ARL17B: variants seen among roughly 807,000 people sequenced by gnomAD.
ARL17B encodes ADP-ribosylation factor-like protein 17.
chr17:46,339,265 T>C lies in ARL17B; in HGVS notation c.*235A>G, dbSNP rs1289585467. On this transcript the variant is annotated 3_prime_UTR_variant, in exon 4 of 4. Coordinates refer to ENST00000450673, the MANE Select transcript of ARL17B (RefSeq NM_001039083.5). ...ATAAATTAACAAAGGACAATGCTCT[T>C]AGCACCGCCATCATTCAGGAATTTC... 2 of 300,508 alleles carry C rather than the reference T, an allele frequency of 6.7e-6. No homozygotes were observed. The highest frequency in any genetic ancestry group is 1.4e-5 in the Non-Finnish European group (2 of 142,862). The allele number at this position is 300,508 out of a possible 1,614,324, so 18.6% of individuals were successfully genotyped here. A position where few individuals can be genotyped will look rare whatever the true frequency, so the allele number is the denominator to read the frequency against.
chr17:46,288,706 C>CTTTTTTTTTT (rs199591277), intron 4 of ARL17B, among the ~76,000 whole-genome samples: 2,185 of 129,844 alleles, frequency 0.017, no homozygotes, highest in Non-Finnish European at 0.027. Flanking sequence ...CTTGTTTTTT[C>CTTTTTTTTTT]TTTTTTTTTT....
rs534381037 is a variant in ARL17B, at chr17:46,278,548, C to T, written c.*22-3130G>A. ...CCTCCTGAGTAGCTGGGATTACAGG[C>T]GCTCACCACTGCGACCGGCTAATTT... On this transcript the variant is annotated intron_variant, in intron 4 of 4. Coordinates refer to the ARL17B transcript ENST00000570618. Among the ~76,000 whole-genome samples, 86 of 150,724 alleles carry T rather than the reference C, an allele frequency of 5.7e-4. 1 individual carries two copies. The South Asian group carries it at 0.015, about 26-fold the overall frequency.
intron 3 of ARL17B, among the ~76,000 whole-genome samples, chr17:46,317,166 C>G (rs1427151329): frequency 1.1e-5 from 1 of 89,694 alleles, no homozygotes; most frequent in Non-Finnish European, 3.2e-5. Context: ...CAGAGGCGCT[C>G]CTCACATCCC....
chr17:46,291,193 A>G (rs537097116), intron 4 of ARL17B, among the ~76,000 whole-genome samples: 26 of 152,378 alleles, frequency 1.7e-4, no homozygotes, highest in African/African-American at 5.8e-4. Context: ...ATATATTTTT[A>G]TAACATCGTG....
intron 4 of ARL17B, among the ~76,000 whole-genome samples, chr17:46,280,895 A>C (rs574153219): frequency 6.6e-6 from 1 of 152,338 alleles, no homozygotes; most frequent in South Asian, 2.1e-4. Flanking sequence ...CGCTTTTAAA[A>C]AATACCTGCC....
intron 4 of ARL17B, among the ~76,000 whole-genome samples, chr17:46,279,500 C>CTTTCT (rs1555611317): frequency 8.2e-5 from 10 of 122,464 alleles, no homozygotes; most frequent in Admixed American, 1.7e-4. Context: ...TTCTTTCTTT[C>CTTTCT]TTTTTTTTTT....
At chr17:46,291,533 A>C (rs1389633062) in intron 4 of ARL17B, among the ~76,000 whole-genome samples, 2 of 151,862 alleles carry the variant, frequency 1.3e-5, no homozygotes, top group African/African-American at 4.9e-5. Flanking sequence ...ACTGGGCTAC[A>C]CTGGGCTTCA....
downstream of ARL17B, among the ~76,000 whole-genome samples, chr17:46,274,195 G>A (rs1216277174): frequency 2.0e-5 from 3 of 152,228 alleles, no homozygotes; most frequent in Non-Finnish European, 4.4e-5. Context: ...CTGTCTGTGG[G>A]AGAAAAACTA....
intron 4 of ARL17B, among the ~76,000 whole-genome samples, chr17:46,281,174 CT>C (rs1386007422): frequency 6.6e-6 from 1 of 152,094 alleles, no homozygotes; most frequent in East Asian, 1.9e-4. Context: ...AGGAGTGAGT[CT>C]TTTTCCATTT....
chr17:46,291,306 A>G (rs2050060086), intron 4 of ARL17B, among the ~76,000 whole-genome samples: 1 of 152,264 alleles, frequency 6.6e-6, no homozygotes, highest in Admixed American at 6.5e-5. Flanking sequence ...AAAAAGAGAA[A>G]TTGAAAAGAC....
At chr17:46,277,653 C>CTTTCTTTCTTTCTTT (rs143961379) in intron 4 of ARL17B, among the ~76,000 whole-genome samples, 2 of 137,858 alleles carry the variant, frequency 1.5e-5, no homozygotes, top group Admixed American at 7.3e-5. Context: ...TTCTTTCTTT[C>CTTTCTTTCTTTCTTT]TTTTTTTTTT....
At chr17:46,274,515 T>G (rs540014961), downstream of ARL17B, among the ~76,000 whole-genome samples, 25 of 152,218 alleles carry the variant, frequency 1.6e-4, no homozygotes, top group Admixed American at 3.9e-4. Context: ...AGAAAAGACA[T>G]CTAGAGGTTG....
chr17:46,292,451 A>G (rs1224221712), intron 4 of ARL17B, among the ~76,000 whole-genome samples: 1 of 81,252 alleles, frequency 1.2e-5, no homozygotes, highest in African/African-American at 3.1e-5. Flanking sequence ...TCTCAGGAAA[A>G]TGTGAAACTC....
rs568111882 is a variant in ARL17B at position 46,279,392 on chromosome 17, C to T, written c.*22-3974G>A. 1.6e-4 allele frequency among the ~76,000 whole-genome samples: 24 copies of T among 151,900 alleles called. 1 individual carries two copies. The South Asian group carries it at 3.1e-3, about 20-fold the overall frequency. ...AGAGACGAGGTTTTGCCATGTTGTCCAGGCTGGTCTTGAACTCCCGACCTC... is the reference window on the plus strand; with the variant it reads ...AGAGACGAGGTTTTGCCATGTTGTCTAGGCTGGTCTTGAACTCCCGACCTC... On this transcript the variant is annotated intron_variant, in intron 4 of 4. Transcript: ENST00000570618.
chr17:46,280,840 C>T (rs1339347292), intron 4 of ARL17B, among the ~76,000 whole-genome samples: 2 of 152,194 alleles, frequency 1.3e-5, no homozygotes, highest in African/African-American at 4.8e-5. Context: ...TTCCAAAGTG[C>T]TAGGATTACA....
chr17:46,280,886 G>A (rs889366434), intron 4 of ARL17B, among the ~76,000 whole-genome samples: 2 of 152,156 alleles, frequency 1.3e-5, no homozygotes, highest in African/African-American at 4.8e-5. Flanking sequence ...AATAGCACAC[G>A]CTTTTAAAAA....
intron 4 of ARL17B, among the ~76,000 whole-genome samples, chr17:46,279,271 C>T (rs2696525): frequency 0.12 from 17,873 of 147,364 alleles, 2 homozygotes; most frequent in Non-Finnish European, 0.18. Flanking sequence ...GCAACCTCCA[C>T]GTCTCAGGTT....
intron 4 of ARL17B, among the ~76,000 whole-genome samples, chr17:46,291,970 A>C (rs1338030213): frequency 1.5e-4 from 2 of 13,392 alleles, no homozygotes; most frequent in East Asian, 0.019. Context: ...CTCAAAAAGC[A>C]AAAAAAAAAA....
At chr17:46,276,520 TA>T (rs1359333642) in intron 4 of ARL17B, among the ~76,000 whole-genome samples, 1 of 152,150 alleles carries the variant, frequency 6.6e-6, no homozygotes, top group African/African-American at 2.4e-5. Flanking sequence ...TCACAATCCG[TA>T]AGAAAAGAAA....
Sources: gnomAD v4.1 joint callset for allele counts (sites outside exome capture counted in the v4.1 genomes callset) on GRCh38, gnomAD v4.1.1 for gene constraint, MANE v1.5 for transcripts, NCBI Gene and HGNC (gene_info 2026-07-23, HGNC 2026-07-21) for gene names.